The following EDIL3 variants were observed in gnomAD, a reference collection of about 807,000 sequenced individuals.
EDIL3 encodes the protein EGF like and discoidin domains 3.
Under a neutral mutation model 67.4 loss-of-function variants are expected in EDIL3, and 37 were observed. That is an observed-to-expected ratio of 0.55 (90% CI 0.42 to 0.72). The LOEUF (loss-of-function observed/expected upper bound fraction) is 0.72, where lower values mean the gene tolerates loss of function less well. Ranked by LOEUF, EDIL3 falls within the 30% of genes least tolerant of loss-of-function variation. The pLI, the probability that EDIL3 is intolerant of heterozygous loss-of-function variation, is 0.00. For missense variants in EDIL3, 527 were observed against 586.3 expected (o/e 0.90, Z 1.04); for synonymous variants, 195 against 196.3 (o/e 0.99, Z 0.05).
chr5:84,324,830 C>T (rs1005718448), intron 1 of EDIL3, among the ~76,000 whole-genome samples: 3 of 151,148 alleles, frequency 2.0e-5, no homozygotes, highest in Non-Finnish European at 3.0e-5. Flanking sequence ...ATTTTTGAAA[C>T]AAAAGCACTG....
intron 1 of EDIL3, among the ~76,000 whole-genome samples, chr5:84,295,673 T>A (rs1420857696): frequency 6.6e-6 from 1 of 152,094 alleles, no homozygotes; most frequent in Non-Finnish European, 1.5e-5. Context: ...AAAACATAAC[T>A]ACAAGATTTT....
At chr5:84,352,189 A>G (rs975116361) in intron 1 of EDIL3, among the ~76,000 whole-genome samples, 1 of 152,154 alleles carries the variant, frequency 6.6e-6, no homozygotes, top group African/African-American at 2.4e-5. Context: ...CATTGGTGAA[A>G]TGTAAATTAG....
At chr5:84,001,432 A>G (rs1745329593) in intron 9 of EDIL3, among the ~76,000 whole-genome samples, 1 of 152,172 alleles carries the variant, frequency 6.6e-6, no homozygotes, top group Non-Finnish European at 1.5e-5. Flanking sequence ...CAAACATAAA[A>G]TTAGTAGAAG....
At chr5:83,947,794 C>T (rs187567152) in intron 10 of EDIL3, among the ~76,000 whole-genome samples, 203 of 151,950 alleles carry the variant, frequency 1.3e-3, no homozygotes, top group African/African-American at 4.7e-3. Context: ...ATAGAACAAA[C>T]TTAGCTCATC....
At chr5:84,353,444 A>C (rs894385463) in intron 1 of EDIL3, among the ~76,000 whole-genome samples, 8 of 152,342 alleles carry the variant, frequency 5.3e-5, no homozygotes, top group Non-Finnish European at 1.2e-4. Context: ...GATAGATACT[A>C]CCCAAAGATA....
chr5:84,341,758 A>G (rs545051691), intron 1 of EDIL3, among the ~76,000 whole-genome samples: 45 of 152,096 alleles, frequency 3.0e-4, no homozygotes, highest in Non-Finnish European at 5.1e-4. Context: ...AGTTTTAAAA[A>G]TGTCCCTTGT....
intron 5 of EDIL3, among the ~76,000 whole-genome samples, chr5:84,111,547 A>G (rs1170312941): frequency 6.6e-6 from 1 of 152,226 alleles, no homozygotes; most frequent in Admixed American, 6.5e-5. Flanking sequence ...GGTAGTAGTG[A>G]CATAGGGATA....
chr5:83,975,501 T>A (rs1321608836), intron 9 of EDIL3, among the ~76,000 whole-genome samples: 1 of 151,968 alleles, frequency 6.6e-6, no homozygotes. Flanking sequence ...AACTGAGGAC[T>A]CATTTGTAGA....
intron 5 of EDIL3, among the ~76,000 whole-genome samples, chr5:84,132,223 G>A (rs1344347971): frequency 7.1e-6 from 1 of 141,194 alleles, no homozygotes; most frequent in Non-Finnish European, 1.5e-5. Flanking sequence ...GGGAGACGGA[G>A]AGAGACTCCG....
intron 3 of EDIL3, among the ~76,000 whole-genome samples, chr5:84,183,230 T>C (rs761914997): frequency 1.3e-5 from 2 of 152,158 alleles, no homozygotes; most frequent in Admixed American, 6.6e-5. Flanking sequence ...AAAGATTATA[T>C]AATATTTCTC....
intron 6 of EDIL3, among the ~76,000 whole-genome samples, chr5:84,082,027 A>G (rs1490214874): frequency 6.6e-6 from 1 of 152,268 alleles, no homozygotes; most frequent in Non-Finnish European, 1.5e-5. Context: ...AACCGAAAAC[A>G]GAATTCTCTG....
At chr5:83,960,958 T>C (rs1022511958) in intron 10 of EDIL3, among the ~76,000 whole-genome samples, 2 of 150,894 alleles carry the variant, frequency 1.3e-5, no homozygotes, top group Admixed American at 6.6e-5. Flanking sequence ...ATATGCTGCA[T>C]AGAAGGAATA....
intron 2 of EDIL3, among the ~76,000 whole-genome samples, chr5:84,253,821 A>G (rs1450446589): frequency 6.6e-6 from 1 of 151,760 alleles, no homozygotes; most frequent in Admixed American, 6.6e-5. Context: ...TTAGAAATAT[A>G]AGAAATGTTA....
chr5:84,003,149 G>A (rs1483850786), intron 9 of EDIL3, among the ~76,000 whole-genome samples: 2 of 152,210 alleles, frequency 1.3e-5, no homozygotes, highest in Non-Finnish European at 2.9e-5. Flanking sequence ...AGGCCAGACT[G>A]TTTTCACTGT....
chr5:84,065,466 A>C (rs1746622042), intron 7 of EDIL3, among the ~76,000 whole-genome samples: 1 of 152,134 alleles, frequency 6.6e-6, no homozygotes, highest in Non-Finnish European at 1.5e-5. Flanking sequence ...CTTTTATGTA[A>C]ACCTGATAAT....
chr5:83,991,712 A>G (rs1339378398), intron 9 of EDIL3, among the ~76,000 whole-genome samples: 3 of 152,066 alleles, frequency 2.0e-5, no homozygotes, highest in African/African-American at 4.8e-5. Context: ...CATTAGAAAG[A>G]GCATCTTTTA....
At chr5:84,284,809 T>C (rs1745778261) in intron 1 of EDIL3, among the ~76,000 whole-genome samples, 2 of 152,210 alleles carry the variant, frequency 1.3e-5, no homozygotes, top group Admixed American at 6.6e-5. Flanking sequence ...TGGAAAGCTA[T>C]CTTTGTTTTC....
chr5:84,051,057 A>AC (rs1198991480), intron 9 of EDIL3, among the ~76,000 whole-genome samples: 1 of 151,952 alleles, frequency 6.6e-6, no homozygotes, highest in Admixed American at 6.6e-5. Context: ...TCTGGGAGGC[A>AC]CCCCCCAGTA....
intron 3 of EDIL3, among the ~76,000 whole-genome samples, chr5:84,196,554 T>C (rs2112373420): frequency 6.6e-6 from 1 of 152,176 alleles, no homozygotes. Flanking sequence ...TGTGTTGTTA[T>C]TGTCCCTCTC....
Sources: allele counts gnomAD v4.1 joint callset (sites outside exome capture counted in the v4.1 genomes callset), GRCh38; gene constraint gnomAD v4.1.1; transcripts MANE v1.5; gene names NCBI Gene and HGNC (gene_info 2026-07-23, HGNC 2026-07-21).